USP13: variants seen among roughly 807,000 people sequenced by gnomAD.
USP13 encodes ubiquitin carboxyl-terminal hydrolase 13.
USP13 carries 68 observed loss-of-function variants against 107.8 expected under a neutral mutation model. The ratio of observed to expected loss-of-function variants is 0.63; its 90% CI spans 0.52 to 0.77. USP13 has a LOEUF of 0.77. Among genes scored for constraint, USP13 ranks in the 30% least tolerant of loss-of-function variants. The probability of loss-of-function intolerance (pLI) is 0.00; values close to 1 mark genes in which losing one functional copy is unlikely to be tolerated. For synonymous variants in USP13, 377 were observed against 389.5 expected, an observed-to-expected ratio of 0.97 and a Z score of 0.38; for missense variants, 945 against 1,093.3, an observed-to-expected ratio of 0.86 and a Z score of 1.91.
intron 10 of USP13, among the ~76,000 whole-genome samples, chr3:179,732,822 T>G (rs1713854238): frequency 6.6e-6 from 1 of 152,172 alleles, no homozygotes; most frequent in African/African-American, 2.4e-5. Flanking sequence ...AGCCCTTGTC[T>G]CTCTTCCCCC....
At chr3:179,669,021 G>C (rs1262470029) in intron 1 of USP13, among the ~76,000 whole-genome samples, 1 of 152,216 alleles carries the variant, frequency 6.6e-6, no homozygotes, top group East Asian at 1.9e-4. Flanking sequence ...GTGGTGGCTT[G>C]ATGAAAGCAA....
Position 179,754,824 on chromosome 3 carries a change from C to G in USP13, c.1891C>G (p.Pro631Ala), listed in dbSNP as rs147444783. The G allele has an allele frequency of 5.3e-5, 86 of 1,612,476 alleles. No individual in the cohort carries two copies. In the East Asian group the frequency reaches 8.9e-4, roughly 17 times the overall value. The change falls in exon 15 of 21, where the codon CCC becomes GCC. Residue 631 changes from proline (P) to alanine (A), a missense_variant. Transcript: ENST00000263966. Reference protein sequence around the residue: ...PGEEELPDISPPIVIPDDSKD... With the variant: ...PGEEELPDISAPIVIPDDSKD... ...AGAGGAAGAACTTCCAGACATCAGCCCCCCCATAGTCATTCCTGATGACTC... is the reference window on the plus strand; with the variant it reads ...AGAGGAAGAACTTCCAGACATCAGCGCCCCCATAGTCATTCCTGATGACTC...
intron 1 of USP13, among the ~76,000 whole-genome samples, chr3:179,660,887 A>C (rs1456582639): frequency 6.6e-6 from 1 of 152,220 alleles, no homozygotes; most frequent in African/African-American, 2.4e-5. Context: ...ACTAGCTGAA[A>C]AGTTGTTCTC....
chr3:179,702,691 G>C (rs1712578095), intron 4 of USP13, among the ~76,000 whole-genome samples: 1 of 152,180 alleles, frequency 6.6e-6, no homozygotes, highest in South Asian at 2.1e-4. Context: ...TTAGTACTAA[G>C]TGCACAGTGT....
chr3:179,656,257 T>C (rs1720257785), intron 1 of USP13, among the ~76,000 whole-genome samples: 1 of 152,316 alleles, frequency 6.6e-6, no homozygotes, highest in Non-Finnish European at 1.5e-5. Flanking sequence ...TAGAACCAAG[T>C]AGAGAGTAGA....
intron 19 of USP13, among the ~76,000 whole-genome samples, chr3:179,779,190 AG>A (rs1343135123): frequency 2.6e-5 from 4 of 151,186 alleles, no homozygotes; most frequent in African/African-American, 9.8e-5. Context: ...GAGCCACTGG[AG>A]GGTTTTGGGG....
At chr3:179,671,974 A>G (rs1220066832) in intron 1 of USP13, among the ~76,000 whole-genome samples, 1 of 152,222 alleles carries the variant, frequency 6.6e-6, no homozygotes, top group East Asian at 1.9e-4. Context: ...AACAAGTGTT[A>G]CGCAGCGACT....
At chr3:179,691,111 G>C (rs1480801326) in intron 3 of USP13, among the ~76,000 whole-genome samples, 1 of 150,640 alleles carries the variant, frequency 6.6e-6, no homozygotes, top group Non-Finnish European at 1.5e-5. Context: ...TGAGGCTGTA[G>C]TGAGCTATGA....
At position 179,685,184 on chromosome 3, in the gene USP13, A is replaced by G. The variant is rs141599576; in HGVS notation, c.294+3181A>G. Among the ~76,000 whole-genome samples, 833 of 145,786 alleles carry G rather than the reference A, an allele frequency of 5.7e-3. 8 individuals are homozygous for G. Among genetic ancestry groups the G allele is most frequent in the African/African-American group, 0.02 (792 of 39,914 alleles). On this transcript the variant is annotated intron_variant, in intron 2 of 20. Transcript: ENST00000263966. ...TGTTAGATTTTTTTTTTAGTACCCT[A>G]TAATTTTTTTTTTTAACCATTACTG...
chr3:179,781,573 G>A (rs1715749231), intron 19 of USP13, among the ~76,000 whole-genome samples, 166 bp from the exon 20 acceptor site: 1 of 152,130 alleles, frequency 6.6e-6, no homozygotes, highest in Admixed American at 6.5e-5. Context: ...TGAGTTTAGT[G>A]TCCCTCTGAG....
At chr3:179,758,920 A>T (rs188008956) in intron 16 of USP13, among the ~76,000 whole-genome samples, 5 of 152,120 alleles carry the variant, frequency 3.3e-5, no homozygotes, top group Non-Finnish European at 7.3e-5. Flanking sequence ...CACTGTTGAC[A>T]TTTGGAGTAT....
chr3:179,694,134 TG>T (rs1712204686), intron 3 of USP13, among the ~76,000 whole-genome samples: 1 of 151,944 alleles, frequency 6.6e-6, no homozygotes, highest in Admixed American at 6.6e-5. Flanking sequence ...CCACCATGCC[TG>T]GCTAATTTTT....
chr3:179,766,213 C>G (rs1488070375), intron 19 of USP13, among the ~76,000 whole-genome samples: 1 of 151,964 alleles, frequency 6.6e-6, no homozygotes, highest in African/African-American at 2.4e-5. Context: ...CTCCTGACCT[C>G]GTGATATGCC....
In USP13 at chr3:179,761,636, C is replaced by T. The variant is rs571345812; in HGVS notation, c.2092+381C>T. 4.6e-5 allele frequency among the ~76,000 whole-genome samples: 7 copies of T among 152,136 alleles called. No individual in the cohort carries two copies. In the South Asian group the frequency reaches 6.2e-4, roughly 14 times the overall value. On this transcript the variant is annotated intron_variant, in intron 17 of 20. Transcript: ENST00000263966. ...ACTCAGGAGGCTGAGGCAGGAGAAT[C>T]GCTTGAACGCAGGAGGCGGAGGCTG...
Position 179,781,810 on chromosome 3 carries a change from A to G in USP13, c.2485A>G (p.Lys829Glu). 1 of 1,613,960 alleles carries G rather than the reference A, an allele frequency of 6.2e-7. No individual in the cohort carries two copies. Among genetic ancestry groups the G allele is most frequent in the Non-Finnish European group, 8.5e-7 (1 of 1,179,876 alleles). The stretch of plus-strand genomic sequence containing the variant: ...GAGTGGTCATTACATTTGCCATATC[A>G]AAAAGGAAGGAAGGTGAGTCATTTT... ...TMSGHYICHI[K>E]KEGRWVIYND... The change falls in exon 20 of 21, where the codon AAA becomes GAA. Residue 829 changes from lysine (K) to glutamate (E), a missense_variant. Coordinates refer to ENST00000263966, the MANE Select transcript of USP13 (RefSeq NM_003940.3).
chr3:179,726,684 T>A (rs1051464904), intron 8 of USP13, among the ~76,000 whole-genome samples: 4 of 7,208 alleles, frequency 5.5e-4, no homozygotes, highest in Non-Finnish European at 9.8e-4. Flanking sequence ...CTGGTAGGCT[T>A]TTTTTTTTTT....
At chr3:179,766,073 A>G (rs1214736541) in intron 19 of USP13, among the ~76,000 whole-genome samples, 1 of 150,522 alleles carries the variant, frequency 6.6e-6, no homozygotes, top group East Asian at 2.0e-4. Flanking sequence ...TCCGCCTCCC[A>G]GGTTCAAGCC....
chr3:179,771,661 G>A (rs114788095), intron 19 of USP13, among the ~76,000 whole-genome samples: 2,252 of 152,302 alleles, frequency 0.015, 34 homozygotes, highest in Middle Eastern at 0.065. Flanking sequence ...AAGGAGGGTC[G>A]TGGCTACTGG....
chr3:179,694,847 A>C (rs1712237577), intron 3 of USP13, among the ~76,000 whole-genome samples: 1 of 150,866 alleles, frequency 6.6e-6, no homozygotes, highest in African/African-American at 2.4e-5. Context: ...GAGGAGAAAG[A>C]GGAAGGACAA....
Sources: allele counts gnomAD v4.1 joint callset (sites outside exome capture counted in the v4.1 genomes callset), GRCh38; gene constraint gnomAD v4.1.1; transcripts MANE v1.5; gene names NCBI Gene and HGNC (gene_info 2026-07-23, HGNC 2026-07-21).